The following GPC3 variants were observed in gnomAD, a reference collection of about 807,000 sequenced individuals.
GPC3 encodes the protein glypican 3, also known as glypican-3.
GPC3 carries 3 observed loss-of-function variants against 34.4 expected under a neutral mutation model. The observed-to-expected ratio is 0.09, with a 90% CI of 0.04 to 0.23. The LOEUF (loss-of-function observed/expected upper bound fraction) is 0.23, where lower values mean the gene tolerates loss of function less well. Ranked by LOEUF, GPC3 falls within the 10% of genes least tolerant of loss-of-function variation. GPC3 has a pLI of 1.00. For synonymous variants in GPC3, 177 were observed against 174.0 expected (o/e 1.02, Z -0.13); for missense variants, 351 against 445.6 (o/e 0.79, Z 1.91).
At chrX:133,915,960 C>T (rs1308720885) in intron 2 of GPC3, among the ~76,000 whole-genome samples, 1 of 110,035 alleles carries the variant, frequency 9.1e-6, no homozygotes, top group Non-Finnish European at 1.9e-5. Context: ...GCCTAGCCAA[C>T]ATGGTAAAAC....
intron 5 of GPC3, among the ~76,000 whole-genome samples, chrX:133,678,869 T>C (rs1178008654): frequency 8.9e-6 from 1 of 112,291 alleles, no homozygotes; most frequent in African/African-American, 3.2e-5. Context: ...CACACAGCAA[T>C]AGCCTCATTA....
chrX:133,811,369 C>A (rs1049479362), intron 2 of GPC3, among the ~76,000 whole-genome samples: 3 of 111,942 alleles, frequency 2.7e-5, no homozygotes, highest in African/African-American at 9.7e-5. Context: ...TGAGATTCAA[C>A]TGTTTGACTA....
At chrX:133,751,681 T>C (rs1390698783) in intron 3 of GPC3, among the ~76,000 whole-genome samples, 1 of 111,676 alleles carries the variant, frequency 9.0e-6, no homozygotes, top group African/African-American at 3.3e-5. Flanking sequence ...GGATAAGCAA[T>C]AGTTCAGAGT....
In GPC3 at chrX:133,824,022, T is replaced by C. The variant is rs1483878988; in HGVS notation, c.338-69846A>G. On this transcript the variant is annotated intron_variant, in intron 2 of 7. Coordinates refer to ENST00000370818, the MANE Select transcript of GPC3 (RefSeq NM_004484.4). ...AAGACTGTGAAAAGTAAAGTGTGTA[T>C]ATGGCAATCCCCTAGAGCACTAAAA... Among the ~76,000 whole-genome samples the C allele has an allele frequency of 1.8e-4, 18 of 102,332 alleles. No individual in the cohort carries two copies. In the Admixed American group the frequency reaches 1.8e-3, roughly 10 times the overall value. 88.9% of individuals were successfully genotyped at this position (102,332 alleles called of 115,157 possible).
intron 2 of GPC3, among the ~76,000 whole-genome samples, chrX:133,842,353 C>A (rs1005903431): frequency 1.0e-5 from 1 of 99,092 alleles, no homozygotes; most frequent in African/African-American, 4.3e-5. Context: ...TTTTTAAAAA[C>A]TCCCCTATAT....
At chrX:133,585,276 C>T (rs1224150781) in intron 7 of GPC3, among the ~76,000 whole-genome samples, 1 of 111,762 alleles carries the variant, frequency 8.9e-6, no homozygotes, top group East Asian at 2.8e-4. Context: ...CACATGTGCA[C>T]AGTTTAAGGG....
chrX:133,780,798 T>C (rs1356352099), intron 2 of GPC3, among the ~76,000 whole-genome samples: 2 of 110,737 alleles, frequency 1.8e-5, no homozygotes, highest in African/African-American at 6.6e-5. Flanking sequence ...GATGCTGTTA[T>C]CCCAAAGGGA....
chrX:133,871,325 C>T, intron 2 of GPC3, among the ~76,000 whole-genome samples: 1 of 111,756 alleles, frequency 8.9e-6, no homozygotes, highest in Non-Finnish European at 1.9e-5. Context: ...TTGCTCATCC[C>T]CATCCATATA....
chrX:133,570,254 T>G (rs1432365874), intron 7 of GPC3, among the ~76,000 whole-genome samples: 1 of 110,106 alleles, frequency 9.1e-6, no homozygotes, highest in South Asian at 3.9e-4. Context: ...CAGGCTGGAG[T>G]GCAATGGCGT....
At chrX:133,896,639 C>T (rs1448558225) in intron 2 of GPC3, among the ~76,000 whole-genome samples, 2 of 111,587 alleles carry the variant, frequency 1.8e-5, no homozygotes, top group African/African-American at 6.5e-5. Context: ...TACATGAATG[C>T]TTTCTGTATC....
intron 6 of GPC3, among the ~76,000 whole-genome samples, chrX:133,654,861 TTC>T (rs1438784356): frequency 8.9e-6 from 1 of 112,119 alleles, no homozygotes; most frequent in African/African-American, 3.2e-5. Context: ...TTTGACAGAA[TTC>T]TCTTTTCATA....
At chrX:133,787,403 C>G (rs1413719429) in intron 2 of GPC3, among the ~76,000 whole-genome samples, 1 of 112,616 alleles carries the variant, frequency 8.9e-6, no homozygotes, top group African/African-American at 3.2e-5. Context: ...CAATGATTAA[C>G]TTTCAGGATT....
At chrX:133,708,404 T>C (rs1276187610) in intron 3 of GPC3, among the ~76,000 whole-genome samples, 1 of 111,875 alleles carries the variant, frequency 8.9e-6, no homozygotes, top group Admixed American at 9.5e-5. Context: ...CAAAGAAGCC[T>C]TTCCATATGG....
chrX:133,983,047 G>A (rs923980234), intron 1 of GPC3, among the ~76,000 whole-genome samples: 5 of 111,492 alleles, frequency 4.5e-5, no homozygotes, highest in African/African-American at 1.3e-4. Context: ...CTAAAATTCA[G>A]GACACGCAGT....
rs60528920 is a variant in GPC3 at position 133,893,241 on chromosome X, G to A, written c.337+59809C>T. Among the ~76,000 whole-genome samples the A allele has an allele frequency of 2.0e-3, 221 of 111,315 alleles. 1 individual carries two copies. Among genetic ancestry groups the A allele is most frequent in the African/African-American group, 6.4e-3 (196 of 30,675 alleles). On this transcript the variant is annotated intron_variant, in intron 2 of 7. Transcript: ENST00000370818. Reference sequence around the variant, plus strand: ...CATTGCACTCCAGCCTGGGCAACAAGAGCAAAACTCCGTTTCAAAAAAGAG... The same window carrying A: ...CATTGCACTCCAGCCTGGGCAACAAAAGCAAAACTCCGTTTCAAAAAAGAG...
At chrX:133,796,068 G>C (rs748552677) in intron 2 of GPC3, among the ~76,000 whole-genome samples, 87 of 105,570 alleles carry the variant, frequency 8.2e-4, no homozygotes, top group Non-Finnish European at 1.4e-3. Flanking sequence ...GCCTCAGCCT[G>C]CCGAGTAGCT....
chrX:133,863,944 C>T (rs977856824), intron 2 of GPC3, among the ~76,000 whole-genome samples: 100 of 111,051 alleles, frequency 9.0e-4, no homozygotes, highest in Non-Finnish European at 1.4e-3. Context: ...CGTGAGCCAC[C>T]GCGCCCGGCC....
chrX:133,560,600 G>A (rs1053934560), intron 7 of GPC3, among the ~76,000 whole-genome samples: 3 of 111,318 alleles, frequency 2.7e-5, no homozygotes, highest in Non-Finnish European at 5.7e-5. Flanking sequence ...TTAGCTGGGC[G>A]TGATGGCCCA....
intron 5 of GPC3, among the ~76,000 whole-genome samples, chrX:133,675,261 G>C (rs749637584): frequency 1.8e-5 from 2 of 111,689 alleles, no homozygotes; most frequent in Non-Finnish European, 3.8e-5. Flanking sequence ...TCACTTCCAG[G>C]CCTCAAACCT....
Sources: gnomAD v4.1 joint callset for allele counts (sites outside exome capture counted in the v4.1 genomes callset) on GRCh38, gnomAD v4.1.1 for gene constraint, MANE v1.5 for transcripts, NCBI Gene and HGNC (gene_info 2026-07-23, HGNC 2026-07-21) for gene names.